The following PRRG1 variants were observed in gnomAD, a reference collection of about 807,000 sequenced individuals.
PRRG1 encodes the protein transmembrane gamma-carboxyglutamic acid protein 1.
Under a neutral mutation model 11.8 loss-of-function variants are expected in PRRG1, and 5 were observed. The observed-to-expected ratio is 0.42, with a 90% CI of 0.22 to 0.89. The LOEUF is 0.89. Ranked by LOEUF, PRRG1 falls within the 40% of genes least tolerant of loss-of-function variation. The pLI, the probability that PRRG1 is intolerant of heterozygous loss-of-function variation, is 0.28. For synonymous variants in PRRG1, 66 were observed against 60.4 expected (o/e 1.09, Z -0.43); for missense variants, 155 against 166.1 (o/e 0.93, Z 0.37).
In PRRG1 at chrX:37,358,691, A is replaced by G. The variant is rs782111839; in HGVS notation, c.-42+9296A>G. On this transcript the variant is annotated intron_variant, in intron 1 of 3. Transcript: ENST00000378628. ...TACAATATTGTCTTGGCTATTCTGT[A>G]TCTGCTGCCTCTCCATATAAACTTT... 4.5e-5 allele frequency among the ~76,000 whole-genome samples: 5 copies of G among 111,470 alleles called. No homozygotes were observed. The South Asian group carries it at 1.9e-3, about 42-fold the overall frequency.
intron 2 of PRRG1, among the ~76,000 whole-genome samples, chrX:37,409,365 G>A (rs1384921969): frequency 8.9e-6 from 1 of 111,939 alleles, no homozygotes; most frequent in Non-Finnish European, 1.9e-5. Flanking sequence ...CAGAAAATTT[G>A]CATAGAAATT....
In PRRG1 at chrX:37,453,378, G is replaced by A; in HGVS notation, c.414G>A (p.Val138=). The A allele has an allele frequency of 8.3e-7, 1 of 1,208,261 alleles. No homozygotes were observed. Among genetic ancestry groups the A allele is most frequent in the East Asian group, 3.0e-5 (1 of 33,754 alleles). The change falls in exon 4 of 4, where the codon GTG becomes GTA. Residue 138 remains valine (V), a synonymous_variant. Coordinates refer to ENST00000378628, the MANE Select transcript of PRRG1 (RefSeq NM_001142395.2). ...IITPPPPPDE[V]FDSSGLSPGF... ...CCCCACCCCCCCCACCAGATGAAGT[G>A]TTTGACAGCAGTGGATTGTCTCCAG...
At chrX:37,358,542 T>C (rs782323804) in intron 1 of PRRG1, among the ~76,000 whole-genome samples, 43 of 111,605 alleles carry the variant, frequency 3.9e-4, no homozygotes, top group Admixed American at 4.7e-4. Flanking sequence ...GTTGACGATA[T>C]GGATATACCT....
intron 1 of PRRG1, among the ~76,000 whole-genome samples, chrX:37,376,181 T>C (rs1556372072): frequency 9.0e-6 from 1 of 110,705 alleles, no homozygotes; most frequent in African/African-American, 3.3e-5. Context: ...TTGCATTTCA[T>C]TGATGATAAC....
intron 3 of PRRG1, among the ~76,000 whole-genome samples, chrX:37,426,556 T>C (rs1489575098): frequency 3.6e-5 from 4 of 111,684 alleles, no homozygotes; most frequent in East Asian, 2.8e-4. Context: ...GAGGTAGCCA[T>C]TGTATAAAGA....
chrX:37,400,037 A>G (rs1931903663), intron 1 of PRRG1, among the ~76,000 whole-genome samples: 1 of 111,479 alleles, frequency 9.0e-6, no homozygotes, highest in African/African-American at 3.3e-5. Context: ...ATAATGGGAG[A>G]CTTTAACACC....
chrX:37,431,633 TATC>T (rs1252670792), intron 3 of PRRG1, among the ~76,000 whole-genome samples: 4 of 112,236 alleles, frequency 3.6e-5, no homozygotes, highest in Non-Finnish European at 7.5e-5. Flanking sequence ...AGTTCTTTAT[TATC>T]CTAGGTTTGG....
At chrX:37,387,539 AAG>A (rs113751079) in intron 1 of PRRG1, among the ~76,000 whole-genome samples, 4,570 of 111,243 alleles carry the variant, frequency 0.041, 240 homozygotes, top group African/African-American at 0.14. Context: ...GAACAGGAGG[AAG>A]AGAGAGAGGG....
Position 37,396,974 on chromosome X carries a change from G to A in PRRG1, c.-41-9235G>A, listed in dbSNP as rs937898960. On this transcript the variant is annotated intron_variant, in intron 1 of 3. Transcript: ENST00000378628. ...TAGACATTGCCAAATGCCCCCTCGGGGGAAAATTGCCTCCAGTTGAGAACC... is the reference window on the plus strand; with the variant it reads ...TAGACATTGCCAAATGCCCCCTCGGAGGAAAATTGCCTCCAGTTGAGAACC... 4.5e-5 allele frequency among the ~76,000 whole-genome samples: 5 copies of A among 111,870 alleles called. No homozygotes were observed. In the Admixed American group the frequency reaches 4.7e-4, roughly 11 times the overall value.
At chrX:37,426,040 TACC>T in intron 3 of PRRG1, 40 bp downstream of exon 3, 1 of 1,114,339 alleles carries the variant, frequency 9.0e-7, no homozygotes, top group Non-Finnish European at 1.2e-6. Flanking sequence ...CAGATTTGCC[TACC>T]TTTTTGATGT....
At chrX:37,427,837 C>A (rs1932790147) in intron 3 of PRRG1, among the ~76,000 whole-genome samples, 1 of 111,483 alleles carries the variant, frequency 9.0e-6, no homozygotes, top group African/African-American at 3.3e-5. Flanking sequence ...TTGTATTAGT[C>A]TGTTTTCATG....
intron 1 of PRRG1, among the ~76,000 whole-genome samples, chrX:37,350,356 A>G (rs1358461067): frequency 9.0e-6 from 1 of 111,595 alleles, no homozygotes; most frequent in Non-Finnish European, 1.9e-5. Flanking sequence ...GAGCTTAATT[A>G]TTTGTCTGTT....
intron 1 of PRRG1, among the ~76,000 whole-genome samples, chrX:37,353,856 C>T (rs1296397746): frequency 2.7e-5 from 3 of 112,552 alleles, no homozygotes; most frequent in African/African-American, 9.7e-5. Flanking sequence ...AGGCATTTCT[C>T]AGACCATATC....
intron 3 of PRRG1, among the ~76,000 whole-genome samples, chrX:37,430,851 T>C (rs982060636): frequency 9.0e-6 from 1 of 111,667 alleles, no homozygotes; most frequent in Admixed American, 9.5e-5. Context: ...GTAGCAGATA[T>C]ATTTCATTAC....
At chrX:37,434,796 C>T (rs951347448) in intron 3 of PRRG1, among the ~76,000 whole-genome samples, 2 of 112,083 alleles carry the variant, frequency 1.8e-5, no homozygotes, top group Non-Finnish European at 3.8e-5. Context: ...ACCACTATCA[C>T]TTTTTCTCTC....
chrX:37,411,467 G>A (rs1932350494), intron 2 of PRRG1, among the ~76,000 whole-genome samples: 1 of 112,049 alleles, frequency 8.9e-6, no homozygotes, highest in Non-Finnish European at 1.9e-5. Context: ...AGTACTCCCA[G>A]TAAGTATTAT....
chrX:37,431,161 G>A (rs782373248), intron 3 of PRRG1, among the ~76,000 whole-genome samples: 2 of 112,061 alleles, frequency 1.8e-5, no homozygotes, highest in Non-Finnish European at 3.8e-5. Context: ...ATTGAGAGAC[G>A]TGTGTTGTTT....
chrX:37,368,337 T>G (rs1930646293), intron 1 of PRRG1, among the ~76,000 whole-genome samples: 2 of 112,429 alleles, frequency 1.8e-5, no homozygotes, highest in South Asian at 3.7e-4. Flanking sequence ...CAGTTCTTGT[T>G]TCATGTATTT....
At chrX:37,415,851 G>A (rs1396566009) in intron 2 of PRRG1, among the ~76,000 whole-genome samples, 2 of 111,781 alleles carry the variant, frequency 1.8e-5, no homozygotes, top group African/African-American at 6.5e-5. Context: ...CAGCATTCTA[G>A]CAATGGTATT....
Sources: allele counts gnomAD v4.1 joint callset (sites outside exome capture counted in the v4.1 genomes callset), GRCh38; gene constraint gnomAD v4.1.1; transcripts MANE v1.5; gene names NCBI Gene and HGNC (gene_info 2026-07-23, HGNC 2026-07-21).